The following SAP130 variants were observed in gnomAD, a reference collection of about 807,000 sequenced individuals.
The protein encoded by SAP130 is Sin3A associated protein 130, also known as histone deacetylase complex subunit SAP130.
In SAP130, 16 loss-of-function variants were observed where a neutral mutation model predicts 103.2. The ratio of observed to expected loss-of-function variants is 0.16; its 90% CI spans 0.10 to 0.24. SAP130 has a LOEUF of 0.24. SAP130 is among the 10% of genes least tolerant of loss of function. The pLI, the probability that SAP130 is intolerant of heterozygous loss-of-function variation, is 1.00. For synonymous variants in SAP130, 477 were observed against 497.0 expected, an observed-to-expected ratio of 0.96 and a Z score of 0.53; for missense variants, 990 against 1,359.7, an observed-to-expected ratio of 0.73 and a Z score of 4.28.
intron 15 of SAP130, among the ~76,000 whole-genome samples, chr2:127,973,294 G>A (rs1363644705): frequency 1.3e-5 from 2 of 152,162 alleles, no homozygotes; most frequent in African/African-American, 2.4e-5. Context: ...GTGCAATGGC[G>A]TGATCTCTGC....
intron 11 of SAP130, among the ~76,000 whole-genome samples, chr2:127,994,214 T>C (rs1683021563): frequency 6.6e-6 from 1 of 152,246 alleles, no homozygotes; most frequent in African/African-American, 2.4e-5. Context: ...AGTCAATAGT[T>C]ATTCATGATA....
intron 15 of SAP130, among the ~76,000 whole-genome samples, chr2:127,971,478 G>A (rs1573699393): frequency 6.6e-6 from 1 of 151,924 alleles, no homozygotes; most frequent in Admixed American, 6.6e-5. Flanking sequence ...TAGTAGAGAC[G>A]GGGTTTCACC....
At position 128,006,111 on chromosome 2, in the gene SAP130, G is replaced by C. The variant is rs373506445; in HGVS notation, c.869+4158C>G. Reference sequence around the variant, plus strand: ...TTAAAAAAAAAAAAAACAGACTCCAGTAACATCCAGATCTAGAAGACGGGA... The same window carrying C: ...TTAAAAAAAAAAAAAACAGACTCCACTAACATCCAGATCTAGAAGACGGGA... On this transcript the variant is annotated intron_variant, in intron 7 of 20. Coordinates refer to ENST00000643581, the MANE Select transcript of SAP130 (RefSeq NM_001330301.2). 1.9e-4 allele frequency among the ~76,000 whole-genome samples: 29 copies of C among 148,882 alleles called. No homozygotes were observed. The South Asian group carries it at 6.1e-3, about 31-fold the overall frequency.
intron 15 of SAP130, among the ~76,000 whole-genome samples, chr2:127,958,514 CA>C (rs1373609367): frequency 6.6e-6 from 1 of 152,156 alleles, no homozygotes; most frequent in Non-Finnish European, 1.5e-5. Context: ...ATATAAAGAT[CA>C]GCACTCAAAA....
intron 16 of SAP130, among the ~76,000 whole-genome samples, chr2:127,952,089 C>T (rs1679532007): frequency 6.6e-6 from 1 of 152,164 alleles, no homozygotes; most frequent in Non-Finnish European, 1.5e-5. Context: ...CTTTCTCCTG[C>T]ATCATCAATT....
Position 127,950,424 on chromosome 2 carries a change from G to A in SAP130, c.2423-16C>T, listed in dbSNP as rs1679419509. 3 of 1,613,472 alleles carry A rather than the reference G, an allele frequency of 1.9e-6. No homozygotes were observed. The highest frequency in any genetic ancestry group is 1.3e-5 in the African/African-American group (1 of 74,908). ...GGAGGAACTGCTGTCATAGGAAAAGGAGCACACATATCTGTAAGAACTCAA... is the reference window on the plus strand; with the variant it reads ...GGAGGAACTGCTGTCATAGGAAAAGAAGCACACATATCTGTAAGAACTCAA... On this transcript the variant is annotated splice_polypyrimidine_tract_variant and intron_variant, in intron 16 of 20. Coordinates refer to ENST00000643581, the MANE Select transcript of SAP130 (RefSeq NM_001330301.2).
At chr2:127,946,361 G>T (rs1056145708) in intron 18 of SAP130, among the ~76,000 whole-genome samples, 1 of 152,148 alleles carries the variant, frequency 6.6e-6, no homozygotes, top group Non-Finnish European at 1.5e-5. Context: ...TAAGACAGCT[G>T]GGGGAGCCTT....
intron 2 of SAP130, among the ~76,000 whole-genome samples, chr2:128,025,075 G>C (rs1685417141): frequency 6.7e-6 from 1 of 149,932 alleles, no homozygotes; most frequent in Admixed American, 6.6e-5. Context: ...TTACCATAAG[G>C]AACACCAGAA....
chr2:127,981,358 C>T (rs1460313278), intron 14 of SAP130, among the ~76,000 whole-genome samples: 1 of 118,000 alleles, frequency 8.5e-6, no homozygotes, highest in Non-Finnish European at 1.9e-5. Flanking sequence ...CCTGTACCCT[C>T]GACTCAGCTC....
At chr2:127,950,539 C>CATCCGACCA in intron 16 of SAP130, 131 bp from the exon 17 acceptor site, 1 of 1,059,166 alleles carries the variant, frequency 9.4e-7, no homozygotes, top group Non-Finnish European at 1.4e-6. Flanking sequence ...TCCTATGTGT[C>CATCCGACCA]TGGCACTGTG....
At chr2:127,995,120 A>G (rs1163310524) in intron 11 of SAP130, among the ~76,000 whole-genome samples, 1 of 152,220 alleles carries the variant, frequency 6.6e-6, no homozygotes, top group African/African-American at 2.4e-5. Context: ...TGAACTAGAG[A>G]TATCAGCATG....
At chr2:127,984,954 G>A (rs112186594) in intron 14 of SAP130, among the ~76,000 whole-genome samples, 7 of 152,216 alleles carry the variant, frequency 4.6e-5, no homozygotes, top group African/African-American at 9.6e-5. Context: ...CCCTTCCTTC[G>A]CCCCCAGGAT....
Position 127,989,723 on chromosome 2 carries a change from T to A in SAP130, c.1621A>T (p.Ser541Cys). Residue 541 changes from serine (S) to cysteine (C), a missense_variant, in exon 13 of 21, where the codon AGT becomes TGT. By Grantham distance (112) the Ser-to-Cys change is moderately radical. This residue lies in a region of SAP130 where 336 missense variants were observed against 520.1 expected (regional missense o/e 0.65). Transcript: ENST00000643581. The surrounding 1 kb of genome is among the most constrained non-coding windows in gnomAD (Gnocchi z 4.6). Reference sequence around the variant, plus strand: ...GGGGCCGGCTGGATACCCTGGGTACTGATGGGTGCTGGCTGGATCCCTTGA... The same window carrying A: ...GGGGCCGGCTGGATACCCTGGGTACAGATGGGTGCTGGCTGGATCCCTTGA... ...HIQGIQPAPI[S>C]TQGIQPAPIG... 1.9e-6 allele frequency: 3 copies of A among 1,614,184 alleles called. No individual in the cohort carries two copies. The highest frequency in any genetic ancestry group is 2.5e-6 in the Non-Finnish European group (3 of 1,180,034).
At chr2:127,962,365 A>G (rs1368118238) in intron 15 of SAP130, among the ~76,000 whole-genome samples, 1 of 152,194 alleles carries the variant, frequency 6.6e-6, no homozygotes. Flanking sequence ...TGACCCAGCC[A>G]TCCCATTACT....
intron 14 of SAP130, among the ~76,000 whole-genome samples, chr2:127,981,316 C>CTGACT (rs1681863126): frequency 1.4e-5 from 2 of 145,486 alleles, no homozygotes; most frequent in Non-Finnish European, 3.1e-5. Flanking sequence ...TCCTGCACCC[C>CTGACT]CAATTCAGCT....
intron 6 of SAP130, 129 bp from the exon 7 acceptor site, chr2:128,010,522 C>T: frequency 2.1e-6 from 2 of 943,122 alleles, no homozygotes; most frequent in South Asian, 1.9e-5. Context: ...TAAATTCTCA[C>T]CATTCCAATT....
In SAP130 at chr2:127,971,435, G is replaced by A. The variant is rs192243693; in HGVS notation, c.2063+6550C>T. Among the ~76,000 whole-genome samples the A allele has an allele frequency of 2.6e-5, 4 of 151,994 alleles. No individual in the cohort carries two copies. In the East Asian group the frequency reaches 7.8e-4, roughly 29 times the overall value. Reference sequence around the variant, plus strand: ...CGAGTAGCTGGGACTACCGGCACCCGCCACCACGCCTGGCTAATTTTTTGT... The same window carrying A: ...CGAGTAGCTGGGACTACCGGCACCCACCACCACGCCTGGCTAATTTTTTGT... On this transcript the variant is annotated intron_variant, in intron 15 of 20. Transcript: ENST00000643581.
rs73955787 is a variant in SAP130 at position 127,985,805 on chromosome 2, C to T, written c.1958+980G>A. Among the ~76,000 whole-genome samples the T allele has an allele frequency of 7.9e-3, 1,205 of 152,046 alleles. 28 individuals are homozygous for T. The highest frequency in any genetic ancestry group is 0.026 in the African/African-American group (1,065 of 41,480). ...CCTGATCCTGTGCCTGTAAAAACCT[C>T]CGAGACCCTAGCAGACAGGCACACA... is the stretch of plus-strand genomic sequence containing the variant. On this transcript the variant is annotated intron_variant, in intron 14 of 20. Transcript: ENST00000643581.
At chr2:128,004,095 C>T (rs1189079494) in intron 7 of SAP130, among the ~76,000 whole-genome samples, 1 of 150,516 alleles carries the variant, frequency 6.6e-6, no homozygotes, top group Non-Finnish European at 1.5e-5. Flanking sequence ...GATTATCCTC[C>T]AGTGTTCAGA....
Sources: allele counts gnomAD v4.1 joint callset (sites outside exome capture counted in the v4.1 genomes callset), GRCh38; gene constraint gnomAD v4.1.1; regional missense constraint gnomAD v4.1.1; non-coding constraint Gnocchi (gnomAD v3.1); transcripts MANE v1.5; gene names NCBI Gene and HGNC (gene_info 2026-07-23, HGNC 2026-07-21).